The following ADAMTSL1 variants were observed in gnomAD, a reference collection of about 807,000 sequenced individuals.
ADAMTSL1 encodes ADAMTS like 1, also known as ADAMTS-like protein 1.
Under a neutral mutation model 201.8 loss-of-function variants are expected in ADAMTSL1, and 126 were observed. The observed-to-expected ratio is 0.62, with a 90% confidence interval of 0.54 to 0.72. The LOEUF is 0.72. Ranked by LOEUF, ADAMTSL1 falls within the 30% of genes least tolerant of loss-of-function variation. The pLI, the probability that ADAMTSL1 is intolerant of heterozygous loss-of-function variation, is 0.00. For synonymous variants in ADAMTSL1, 1,121 were observed against 903.4 expected (o/e 1.24, Z -4.32); for missense variants, 2,679 against 2,277.8 (o/e 1.18, Z -3.59).
At chr9:18,501,282 G>A (rs997995669) in intron 1 of ADAMTSL1, among the ~76,000 whole-genome samples, 25 of 152,136 alleles carry the variant, frequency 1.6e-4, no homozygotes, top group African/African-American at 5.8e-4. Context: ...AGGCCAAGGT[G>A]GGTGGATAGC....
intron 5 of ADAMTSL1, among the ~76,000 whole-genome samples, chr9:18,629,166 A>T (rs1826581932): frequency 6.6e-6 from 1 of 151,718 alleles, no homozygotes; most frequent in Non-Finnish European, 1.5e-5. Flanking sequence ...GATGACTGGG[A>T]TTTTCTCAAT....
intron 1 of ADAMTSL1, among the ~76,000 whole-genome samples, chr9:18,005,111 G>A (rs546143776): frequency 3.0e-4 from 45 of 152,208 alleles, no homozygotes; most frequent in Non-Finnish European, 5.6e-4. Flanking sequence ...TAATGAGGGC[G>A]AAGATTCAAG....
intron 16 of ADAMTSL1, among the ~76,000 whole-genome samples, chr9:18,756,138 G>T (rs1819751796): frequency 8.2e-6 from 1 of 122,050 alleles, no homozygotes; most frequent in South Asian, 2.6e-4. Context: ...AATTAGCCTG[G>T]TGTGGTGGCG....
intron 4 of ADAMTSL1, among the ~76,000 whole-genome samples, chr9:18,592,912 A>G (rs1204388051): frequency 1.3e-5 from 2 of 152,128 alleles, no homozygotes; most frequent in Non-Finnish European, 2.9e-5. Flanking sequence ...AGTGTTTTAC[A>G]GTTTTCATCA....
intron 4 of ADAMTSL1, among the ~76,000 whole-genome samples, chr9:18,582,914 G>T (rs567661983): frequency 2.8e-4 from 43 of 151,612 alleles, no homozygotes; most frequent in African/African-American, 1.0e-3. Context: ...AAAATAAAAA[G>T]GGGAGTTTCC....
chr9:17,997,108 A>G lies in ADAMTSL1; in HGVS notation c.87+90186A>G, dbSNP rs139072758. 7.4e-4 allele frequency among the ~76,000 whole-genome samples: 112 copies of G among 152,214 alleles called. 2 individuals are homozygous for G. The East Asian group carries it at 0.022, about 29-fold the overall frequency. ...TCCATTGGTGCCATTAGCCTTTAGT[A>G]TGCATGGTGAAAAGTAGCATATAGG... On this transcript the variant is annotated intron_variant, in intron 1 of 29. Transcript: ENST00000680146.
At chr9:17,932,534 C>G (rs1163510822) in intron 1 of ADAMTSL1, among the ~76,000 whole-genome samples, 1 of 152,092 alleles carries the variant, frequency 6.6e-6, no homozygotes, top group Non-Finnish European at 1.5e-5. Context: ...CGCAGTAGAG[C>G]TATCTCTCTG....
chr9:18,586,965 A>G (rs1823535517), intron 4 of ADAMTSL1, among the ~76,000 whole-genome samples: 1 of 152,196 alleles, frequency 6.6e-6, no homozygotes, highest in African/African-American at 2.4e-5. Context: ...TAAAGACTTA[A>G]ATGTAAAACT....
At chr9:18,737,003 C>T (rs1221657749) in intron 15 of ADAMTSL1, among the ~76,000 whole-genome samples, 1 of 152,164 alleles carries the variant, frequency 6.6e-6, no homozygotes, top group Admixed American at 6.5e-5. Flanking sequence ...AGAACTCTCT[C>T]TGCCTGAAAG....
chr9:18,326,281 G>T (rs10963577), intron 2 of ADAMTSL1, among the ~76,000 whole-genome samples: 1 of 152,000 alleles, frequency 6.6e-6, no homozygotes, highest in Admixed American at 6.6e-5. Flanking sequence ...TAAGGAGGAG[G>T]GCTTAACTGG....
At chr9:18,641,083 G>A (rs773022402) in intron 7 of ADAMTSL1, among the ~76,000 whole-genome samples, 2 of 151,918 alleles carry the variant, frequency 1.3e-5, no homozygotes, top group African/African-American at 2.4e-5. Flanking sequence ...CCTGAATGCC[G>A]GGCAGGTCCC....
chr9:18,127,481 A>AACACACACACACACACAC (rs112886805), intron 1 of ADAMTSL1, among the ~76,000 whole-genome samples: 9 of 146,138 alleles, frequency 6.2e-5, no homozygotes, highest in African/African-American at 2.3e-4. Flanking sequence ...GCACATACAC[A>AACACACACACACACACAC]ACACACACAC....
At chr9:18,829,776 C>G (rs1349559683) in intron 22 of ADAMTSL1, 67 bp from the exon 23 acceptor site, 2 of 1,596,872 alleles carry the variant, frequency 1.3e-6, no homozygotes, top group Non-Finnish European at 1.7e-6. Flanking sequence ...GCATACCCAC[C>G]TCTTCCTCTT....
At chr9:18,380,911 AC>A (rs750399220) in intron 2 of ADAMTSL1, among the ~76,000 whole-genome samples, 2 of 152,190 alleles carry the variant, frequency 1.3e-5, no homozygotes, top group Non-Finnish European at 2.9e-5. Context: ...ACCAAAGAGA[AC>A]CCTTTATGCT....
rs187439757 is a variant in ADAMTSL1 at position 18,251,586 on chromosome 9, T to G, written c.207+87605T>G. 1.5e-3 allele frequency among the ~76,000 whole-genome samples: 221 copies of G among 152,342 alleles called. 1 individual carries two copies. The highest frequency in any genetic ancestry group is 2.4e-3 in the Admixed American group (36 of 15,304). On this transcript the variant is annotated intron_variant, in intron 2 of 29. Coordinates refer to the ADAMTSL1 transcript ENST00000680146. ...TAGAGTATCAATTGGGTTTATGTAT[T>G]CTTTGTTTGCAGGAAGGGACTGGAT...
upstream of ADAMTSL1, among the ~76,000 whole-genome samples, chr9:18,471,451 A>G (rs1156322413): frequency 6.6e-6 from 1 of 152,232 alleles, no homozygotes; most frequent in African/African-American, 2.4e-5. Context: ...AAGTAGTCAC[A>G]AAGGTCAAAT....
At chr9:18,061,264 A>C (rs1822443635) in intron 1 of ADAMTSL1, among the ~76,000 whole-genome samples, 1 of 152,148 alleles carries the variant, frequency 6.6e-6, no homozygotes, top group Admixed American at 6.6e-5. Context: ...TACTGAGCAA[A>C]AGTGTTTATG....
intron 2 of ADAMTSL1, among the ~76,000 whole-genome samples, chr9:18,532,354 T>C (rs1238979557): frequency 6.6e-6 from 1 of 152,162 alleles, no homozygotes; most frequent in East Asian, 1.9e-4. Context: ...ATTCTCTTTC[T>C]AGAAATTTAT....
chr9:18,134,475 G>A (rs939947371), intron 1 of ADAMTSL1, among the ~76,000 whole-genome samples: 1 of 152,164 alleles, frequency 6.6e-6, no homozygotes, highest in South Asian at 2.1e-4. Context: ...AGCCCTAAGA[G>A]TATAACGTCC....
Sources: allele counts gnomAD v4.1 joint callset (sites outside exome capture counted in the v4.1 genomes callset), GRCh38; gene constraint gnomAD v4.1.1; transcripts MANE v1.5; gene names NCBI Gene and HGNC (gene_info 2026-07-23, HGNC 2026-07-21).